SYNPO2: variants seen among roughly 807,000 people sequenced by gnomAD.
SYNPO2 encodes the protein synaptopodin 2.
SYNPO2 carries 56 observed loss-of-function variants against 85.0 expected under a neutral mutation model. The observed-to-expected ratio is 0.66, with a 90% CI of 0.53 to 0.82. SYNPO2 has a LOEUF of 0.82. SYNPO2 is among the 40% of genes least tolerant of loss of function. SYNPO2 has a pLI of 0.00. For missense variants in SYNPO2, 1,575 were observed against 1,534.2 expected (o/e 1.03, Z -0.44); for synonymous variants, 602 against 591.1 (o/e 1.02, Z -0.27).
intron 1 of SYNPO2, among the ~76,000 whole-genome samples, chr4:118,943,128 G>A (rs1425725721): frequency 6.6e-6 from 1 of 151,232 alleles, no homozygotes; most frequent in Non-Finnish European, 1.5e-5. Flanking sequence ...AAAGTCAATA[G>A]TGTTGAGGTT....
At chr4:118,858,978 G>A (rs1252960333) in intron 1 of SYNPO2, among the ~76,000 whole-genome samples, 21 of 152,166 alleles carry the variant, frequency 1.4e-4, no homozygotes, top group Admixed American at 1.4e-3. Flanking sequence ...GCGTTATCTA[G>A]AAGCATGGGA....
intron 1 of SYNPO2, among the ~76,000 whole-genome samples, chr4:118,916,333 C>A (rs1172013426): frequency 5.3e-5 from 8 of 151,820 alleles, no homozygotes; most frequent in Non-Finnish European, 8.8e-5. Context: ...CCACCACACC[C>A]AGCTGATTTT....
chr4:119,023,360 C>A, intron 1 of SYNPO2, 70 bp from the exon 2 acceptor site: 1 of 1,479,650 alleles, frequency 6.8e-7, no homozygotes, highest in Non-Finnish European at 9.0e-7. Flanking sequence ...AGATTTGTTT[C>A]TCAGAGATGG....
chr4:118,891,356 A>G (rs1203266867), intron 1 of SYNPO2, among the ~76,000 whole-genome samples: 1 of 152,202 alleles, frequency 6.6e-6, no homozygotes, highest in Admixed American at 6.5e-5. Flanking sequence ...AGAGAGAGAG[A>G]GAGACAGACT....
At chr4:118,867,226 A>G (rs934039197) in intron 1 of SYNPO2, among the ~76,000 whole-genome samples, 1 of 152,150 alleles carries the variant, frequency 6.6e-6, no homozygotes, top group Non-Finnish European at 1.5e-5. Context: ...AAGAACCAAG[A>G]GTTTGCATCT....
intron 1 of SYNPO2, among the ~76,000 whole-genome samples, chr4:118,871,725 T>C (rs569019748): frequency 1.5e-4 from 23 of 152,210 alleles, no homozygotes; most frequent in African/African-American, 2.4e-4. Context: ...CCTGCCACCA[T>C]GCCCGGGCTA....
At chr4:118,995,862 T>TTTATC (rs146711714) in intron 1 of SYNPO2, among the ~76,000 whole-genome samples, 8 of 148,424 alleles carry the variant, frequency 5.4e-5, no homozygotes, top group African/African-American at 1.3e-4. Context: ...TCTATTTATC[T>TTTATC]TATCTATCTA....
chr4:118,962,453 A>G (rs1735135204), intron 1 of SYNPO2, among the ~76,000 whole-genome samples: 1 of 152,188 alleles, frequency 6.6e-6, no homozygotes, highest in African/African-American at 2.4e-5. Flanking sequence ...AGTTGGGAGC[A>G]CATGGAATAA....
In SYNPO2 at chr4:118,867,419, G is replaced by T. The variant is rs550318369; in HGVS notation, c.12+16479G>T. Among the ~76,000 whole-genome samples the T allele has an allele frequency of 1.3e-4, 19 of 150,520 alleles. 1 individual carries two copies. In the South Asian group the frequency reaches 4.0e-3, roughly 32 times the overall value. On this transcript the variant is annotated intron_variant, in intron 1 of 4. Transcript: ENST00000610556. The stretch of plus-strand genomic sequence containing the variant: ...TTAAAGAATAATGCCAAAGGGTTTA[G>T]TTTTACCATTATAGAGATAATTCCT...
chr4:119,002,341 A>C (rs1283290890), intron 1 of SYNPO2, among the ~76,000 whole-genome samples: 1 of 151,926 alleles, frequency 6.6e-6, no homozygotes, highest in Non-Finnish European at 1.5e-5. Context: ...GCTCACTGCA[A>C]CCTCTGCCTC....
intron 1 of SYNPO2, among the ~76,000 whole-genome samples, chr4:118,977,588 T>G (rs994733698): frequency 6.6e-6 from 1 of 152,232 alleles, no homozygotes; most frequent in African/African-American, 2.4e-5. Flanking sequence ...CTCTGAGGAC[T>G]GCCAGCATGC....
chr4:119,037,100 G>A, intron 4 of SYNPO2: 2 of 1,534,794 alleles, frequency 1.3e-6, no homozygotes, highest in Non-Finnish European at 1.8e-6. Flanking sequence ...AATTATGTGT[G>A]CTCTGTGACA....
chr4:119,005,172 T>G (rs1312246168), intron 1 of SYNPO2, among the ~76,000 whole-genome samples: 1 of 152,216 alleles, frequency 6.6e-6, no homozygotes, highest in Non-Finnish European at 1.5e-5. Context: ...TCCCATTGTG[T>G]AGGTTGCCTC....
At chr4:118,869,517 T>G (rs1027307334) in intron 1 of SYNPO2, among the ~76,000 whole-genome samples, 1 of 152,226 alleles carries the variant, frequency 6.6e-6, no homozygotes, top group Non-Finnish European at 1.5e-5. Flanking sequence ...CTATGCAATT[T>G]CATTTCATGC....
At chr4:119,027,969 T>C (rs971211472) in intron 3 of SYNPO2, among the ~76,000 whole-genome samples, 2 of 152,228 alleles carry the variant, frequency 1.3e-5, no homozygotes, top group African/African-American at 4.8e-5. Flanking sequence ...ACTGAGCAGT[T>C]ACATGATCCT....
chr4:118,951,698 G>T (rs10011053), intron 1 of SYNPO2, among the ~76,000 whole-genome samples: 15,880 of 152,044 alleles, frequency 0.1, 916 homozygotes, highest in East Asian at 0.16. Context: ...TCTAACCCAG[G>T]TATTTAGTAC....
Position 118,976,013 on chromosome 4 carries a change from G to T in SYNPO2, c.106-47417G>T, listed in dbSNP as rs141807522. 2.2e-4 allele frequency among the ~76,000 whole-genome samples: 33 copies of T among 152,356 alleles called. No individual in the cohort carries two copies. In the East Asian group the frequency reaches 6.4e-3, roughly 29 times the overall value. ...ACTGCCATTTATTAATAGACTCCCT[G>T]TCCCCTACCAGAGCTTTTGAAATCT... On this transcript the variant is annotated intron_variant, in intron 1 of 4. Transcript: ENST00000307142.
intron 1 of SYNPO2, among the ~76,000 whole-genome samples, chr4:118,997,235 G>A (rs1330448409): frequency 1.7e-5 from 1 of 57,758 alleles, no homozygotes; most frequent in Non-Finnish European, 3.5e-5. Flanking sequence ...GCGAGACTCC[G>A]TCTCAAAAAA....
intron 1 of SYNPO2, among the ~76,000 whole-genome samples, chr4:119,017,521 A>G (rs1181259446): frequency 6.8e-6 from 1 of 147,134 alleles, no homozygotes; most frequent in African/African-American, 2.5e-5. Context: ...AACTACTAGA[A>G]CATGTAGTGT....
Sources: allele counts gnomAD v4.1 joint callset (sites outside exome capture counted in the v4.1 genomes callset), GRCh38; gene constraint gnomAD v4.1.1; transcripts MANE v1.5; gene names NCBI Gene and HGNC (gene_info 2026-07-23, HGNC 2026-07-21).